RAI1: variants seen among roughly 807,000 people sequenced by gnomAD.
The protein encoded by RAI1 is retinoic acid induced 1.
A neutral mutation model predicts 123.8 loss-of-function variants in RAI1; 9 were observed. That is an observed-to-expected ratio of 0.07 (90% CI 0.04 to 0.13). RAI1 has a LOEUF of 0.13. Ranked by LOEUF, RAI1 falls within the 10% of genes least tolerant of loss-of-function variation. The pLI, the probability that RAI1 is intolerant of heterozygous loss-of-function variation, is 1.00. For synonymous variants in RAI1, 1,231 were observed against 1,127.3 expected (o/e 1.09, Z -1.84); for missense variants, 2,256 against 2,545.8 (o/e 0.89, Z 2.45).
chr17:17,740,883 A>G (rs1321284482), intron 2 of RAI1, among the ~76,000 whole-genome samples: 1 of 151,602 alleles, frequency 6.6e-6, no homozygotes, highest in Non-Finnish European at 1.5e-5. Flanking sequence ...GGTGAAAGGA[A>G]ACTCAATCTT....
Position 17,797,885 on chromosome 17 carries a change from G to A in RAI1, c.4937G>A (p.Gly1646Glu). Residue 1646 changes from glycine to glutamate, a missense_variant, in exon 3 of 6, where the codon GGG becomes GAG. Gly to Glu is a moderately conservative substitution (Grantham distance 98). This residue lies in a region of RAI1 where 410 missense variants were observed against 374.6 expected (regional missense o/e 1.09). Transcript: ENST00000353383. ...SSSSFSLDAA[G>E]ASLATLPGGS... ...TCCTCGTTCTCCTTGGATGCAGCCG[G>A]GGCCTCCCTGGCCACACTCCCTGGA... 3 of 1,613,862 alleles carry A rather than the reference G, an allele frequency of 1.9e-6. No individual in the cohort carries two copies. Among genetic ancestry groups the A allele is most frequent in the Non-Finnish European group, 2.5e-6 (3 of 1,179,984 alleles).
intron 2 of RAI1, among the ~76,000 whole-genome samples, chr17:17,740,195 A>C (rs769259038): frequency 5.3e-5 from 8 of 152,136 alleles, no homozygotes; most frequent in Non-Finnish European, 1.0e-4. Context: ...CTCTGTGCTC[A>C]GGGGGAAAGG....
At chr17:17,720,845 G>A (rs573100504) in intron 1 of RAI1, among the ~76,000 whole-genome samples, 1 of 152,264 alleles carries the variant, frequency 6.6e-6, no homozygotes, top group Middle Eastern at 3.4e-3. Flanking sequence ...ATCACCCTCT[G>A]GCAGATGTGA....
Position 17,793,126 on chromosome 17 carries a change from G to A in RAI1, c.178G>A (p.Glu60Lys). 1 of 1,613,970 alleles carries A rather than the reference G, an allele frequency of 6.2e-7. No individual in the cohort carries two copies. Residue 60 changes from glutamate to lysine, a missense_variant, in exon 3 of 6, where the codon GAG becomes AAG. This residue lies in a region of RAI1 where 336 missense variants were observed against 349.8 expected (regional missense o/e 0.96). Transcript: ENST00000353383. ...TAACCCGCAGCCTTACCCGAGCTAT[G>A]AGGGTGGCGCTGGCACGCCCTCTGG... ...YYNPQPYPSY[E>K]GGAGTPSGTA...
In RAI1 at chr17:17,809,933, AG is replaced by A. The variant is rs2143006995; in HGVS notation, c.5710-35del. 1 of 1,558,314 alleles carries A rather than the reference AG, an allele frequency of 6.4e-7. No homozygotes were observed. The highest frequency in any genetic ancestry group is 2.4e-5 in the East Asian group (1 of 41,762). On this transcript the variant is annotated intron_variant, in intron 5 of 5. Transcript: ENST00000353383. The surrounding 1 kb of genome is among the most constrained non-coding windows in gnomAD (Gnocchi z 4.9). The stretch of plus-strand genomic sequence containing the variant: ...CGGGGCCTATGGACTGTGAAGTCCG[AG>A]GTCGTCGGTAACTGGCGGGCGGGCG...
intron 2 of RAI1, among the ~76,000 whole-genome samples, chr17:17,770,323 AC>A (rs1476378289): frequency 1.3e-5 from 2 of 152,268 alleles, no homozygotes; most frequent in East Asian, 3.9e-4. Context: ...CGAAAAAAAA[AC>A]ATAAAACCAG....
At chr17:17,723,924 G>GAGAGA (rs1915980311) in intron 1 of RAI1, 104 bp from the exon 2 acceptor site, 1 of 147,360 alleles carries the variant, frequency 6.8e-6, no homozygotes, top group Non-Finnish European at 1.5e-5. Flanking sequence ...CGCGAGAGGC[G>GAGAGA]CGGCGCGCGC....
chr17:17,726,158 G>A (rs1046052284), intron 2 of RAI1, among the ~76,000 whole-genome samples: 3 of 152,156 alleles, frequency 2.0e-5, no homozygotes, highest in Non-Finnish European at 4.4e-5. Flanking sequence ...CTTGTGGCCC[G>A]GAGGGAAGAG....
chr17:17,767,210 A>G (rs1381643636), intron 2 of RAI1, among the ~76,000 whole-genome samples: 1 of 152,182 alleles, frequency 6.6e-6, no homozygotes, highest in African/African-American at 2.4e-5. Flanking sequence ...AGCCTACTGA[A>G]TCCTCAACAA....
At chr17:17,779,771 CTT>C (rs35262127) in intron 2 of RAI1, among the ~76,000 whole-genome samples, 1,811 of 107,970 alleles carry the variant, frequency 0.017, 31 homozygotes, top group Middle Eastern at 0.037. Flanking sequence ...CCTCCCCACC[CTT>C]TTTTTTTTTT....
At chr17:17,786,067 C>T (rs903280079) in intron 2 of RAI1, among the ~76,000 whole-genome samples, 27 of 152,190 alleles carry the variant, frequency 1.8e-4, no homozygotes, top group African/African-American at 6.0e-4. Context: ...CCCTGGCCTC[C>T]CACTCCCAAG....
In RAI1 at chr17:17,799,283, G is replaced by A. The variant is rs568600534; in HGVS notation, c.5565+770G>A. ...GAGGAGGGGTCGGGAGGGTTAAAAG[G>A]TGGGCACCTCTGAGCCCACCGAGCA... On this transcript the variant is annotated intron_variant, in intron 3 of 5. Transcript: ENST00000353383. The surrounding 1 kb of genome is among the most constrained non-coding windows in gnomAD (Gnocchi z 4.5). Among the ~76,000 whole-genome samples the A allele has an allele frequency of 5.3e-4, 80 of 152,268 alleles. No individual in the cohort carries two copies. The highest frequency in any genetic ancestry group is 1.9e-3 in the African/African-American group (78 of 41,538).
chr17:17,728,639 G>A (rs1480619300), intron 2 of RAI1, among the ~76,000 whole-genome samples: 1 of 152,158 alleles, frequency 6.6e-6, no homozygotes, highest in East Asian at 1.9e-4. Context: ...TTCCAGTGGT[G>A]GTCTCTGAGA....
intron 2 of RAI1, among the ~76,000 whole-genome samples, chr17:17,761,883 G>A (rs529344338): frequency 1.3e-5 from 2 of 152,136 alleles, no homozygotes; most frequent in Non-Finnish European, 2.9e-5. Flanking sequence ...GAGGGCAGGT[G>A]GGGGGATGGA....
chr17:17,798,608 T>C, intron 3 of RAI1, 95 bp downstream of exon 3: 4 of 1,545,838 alleles, frequency 2.6e-6, no homozygotes, highest in Non-Finnish European at 3.5e-6. Flanking sequence ...TGCTACAGTG[T>C]GGGCCAAATG....
intron 3 of RAI1, 119 bp downstream of exon 3, chr17:17,798,632 G>C: frequency 6.7e-7 from 1 of 1,486,686 alleles, no homozygotes; most frequent in Non-Finnish European, 9.0e-7. Context: ...CTGCAGTCTC[G>C]GGACAATCTG....
chr17:17,792,897 TTCCCTCCC>T, intron 2 of RAI1, 28 bp from the exon 3 acceptor site: 13 of 375,208 alleles, frequency 3.5e-5, no homozygotes, highest in Non-Finnish European at 6.0e-5. Flanking sequence ...CCCTCCCTCC[TTCCCTCCC>T]TCCCTCCCTT....
At chr17:17,705,484 T>C (rs1158864559) in intron 1 of RAI1, among the ~76,000 whole-genome samples, 3 of 151,854 alleles carry the variant, frequency 2.0e-5, no homozygotes, top group African/African-American at 7.3e-5. Context: ...AATACAAAAA[T>C]TCGGTGAGCT....
chr17:17,712,779 C>T (rs1220267800), intron 1 of RAI1, among the ~76,000 whole-genome samples: 1 of 152,126 alleles, frequency 6.6e-6, no homozygotes, highest in South Asian at 2.1e-4. Context: ...ACAGTAAACA[C>T]GATACTGATT....
Sources: allele counts gnomAD v4.1 joint callset (sites outside exome capture counted in the v4.1 genomes callset), GRCh38; gene constraint gnomAD v4.1.1; regional missense constraint gnomAD v4.1.1; non-coding constraint Gnocchi (gnomAD v3.1); transcripts MANE v1.5; gene names NCBI Gene and HGNC (gene_info 2026-07-23, HGNC 2026-07-21).